The following PDHX variants were observed in gnomAD, a reference collection of about 807,000 sequenced individuals.
PDHX encodes pyruvate dehydrogenase complex component X.
PDHX carries 33 observed loss-of-function variants against 55.3 expected under a neutral mutation model. The observed-to-expected ratio is 0.60, with a 90% CI of 0.45 to 0.80. The LOEUF (loss-of-function observed/expected upper bound fraction) is 0.80. Ranked by LOEUF, PDHX falls within the 30% of genes least tolerant of loss-of-function variation. The probability of loss-of-function intolerance (pLI) is 0.00; values close to 1 mark genes in which losing one functional copy is unlikely to be tolerated. For synonymous variants in PDHX, 226 were observed against 219.4 expected (o/e 1.03, Z -0.27); for missense variants, 622 against 619.9 (o/e 1.00, Z -0.04).
intron 5 of PDHX, among the ~76,000 whole-genome samples, chr11:34,962,423 T>C (rs1191271061): frequency 6.6e-6 from 1 of 152,188 alleles, no homozygotes; most frequent in Admixed American, 6.5e-5. Flanking sequence ...TAGGTGATGA[T>C]AGTTTGGTCT....
intron 1 of PDHX, among the ~76,000 whole-genome samples, chr11:34,930,484 A>G (rs1854132324): frequency 6.6e-6 from 1 of 152,228 alleles, no homozygotes; most frequent in African/African-American, 2.4e-5. Context: ...CATTTGAAAT[A>G]TGTTAGCTAT....
chr11:34,931,257 G>T (rs1002161252), intron 1 of PDHX, 147 bp from the exon 2 acceptor site: 139 of 644,256 alleles, frequency 2.2e-4, no homozygotes, highest in Non-Finnish European at 3.6e-4. Context: ...ATTTACTGGA[G>T]ACTTAGTTTA....
intron 2 of PDHX, among the ~76,000 whole-genome samples, chr11:34,943,304 T>TA (rs1253471801): frequency 6.6e-6 from 1 of 152,292 alleles, no homozygotes; most frequent in Non-Finnish European, 1.5e-5. Context: ...TGAACAAAAT[T>TA]ATGTAGGTCA....
rs183783933 is a variant in PDHX, at chr11:34,957,666, G to A, written c.542+83G>A. ...TGGAATTGTAATCATTATCATATTCGCACATCGTTGTACATCACGTAGGAA... is the reference window on the plus strand; with the variant it reads ...TGGAATTGTAATCATTATCATATTCACACATCGTTGTACATCACGTAGGAA... On this transcript the variant is annotated intron_variant, in intron 4 of 10. Coordinates refer to ENST00000227868, the MANE Select transcript of PDHX (RefSeq NM_003477.3). The A allele has an allele frequency of 2.0e-4, 216 of 1,086,300 alleles. No homozygotes were observed. In the African/African-American group the frequency reaches 2.8e-3, roughly 14 times the overall value. The allele number at this position is 1,086,300 out of a possible 1,614,324, so 67.3% of individuals were successfully genotyped here.
chr11:34,928,480 T>C (rs201653676), intron 1 of PDHX, among the ~76,000 whole-genome samples: 39 of 151,316 alleles, frequency 2.6e-4, no homozygotes, highest in East Asian at 1.5e-3. Context: ...TTTTTTTTTT[T>C]CCCCAGAACA....
chr11:34,980,366 T>TTTTTTTTTTTTTTTTTAG (rs1855483460), intron 8 of PDHX, among the ~76,000 whole-genome samples: 1 of 143,036 alleles, frequency 7.0e-6, no homozygotes, highest in Admixed American at 7.0e-5. Flanking sequence ...TTTTTTTTTT[T>TTTTTTTTTTTTTTTTTAG]GAGCAGCAGC....
chr11:34,951,364 C>G (rs536186126), intron 3 of PDHX, among the ~76,000 whole-genome samples: 1 of 152,076 alleles, frequency 6.6e-6, no homozygotes, highest in African/African-American at 2.4e-5. Context: ...CGGCCTGTTT[C>G]CTGACTTTTT....
At chr11:34,916,952 G>C (rs986868262) in intron 1 of PDHX, 137 bp downstream of exon 1, 2 of 919,702 alleles carry the variant, frequency 2.2e-6, no homozygotes, top group Admixed American at 4.0e-5. Flanking sequence ...TCTCCGGTTG[G>C]GGTCCGCCGA....
At chr11:34,937,451 T>A (rs1450463943) in intron 2 of PDHX, among the ~76,000 whole-genome samples, 1 of 151,038 alleles carries the variant, frequency 6.6e-6, no homozygotes, top group African/African-American at 2.4e-5. Flanking sequence ...ACTTTTTTTT[T>A]TTTTTTTGGT....
chr11:34,979,069 G>A (rs1295585507), intron 8 of PDHX, among the ~76,000 whole-genome samples: 1 of 152,118 alleles, frequency 6.6e-6, no homozygotes, highest in East Asian at 1.9e-4. Context: ...GGGTGAAGTG[G>A]AGATTTGTGT....
intron 5 of PDHX, among the ~76,000 whole-genome samples, chr11:34,963,688 T>A (rs1855067994): frequency 6.6e-6 from 1 of 152,174 alleles, no homozygotes. Flanking sequence ...GCCCACTGTA[T>A]TTGTGAAGAA....
rs36026065 is a variant in PDHX at position 34,968,260 on chromosome 11, C to CAA, written c.816+1462_816+1463dup. ...TGGGTAATAGAGGAAGACCCTATCT[C>CAA]AAAAAAAAAAAAAAAAAGTTATTCA... On this transcript the variant is annotated intron_variant, in intron 6 of 10. Transcript: ENST00000227868. Among the ~76,000 whole-genome samples the CAA allele has an allele frequency of 2.8e-3, 372 of 130,998 alleles. 1 individual carries two copies. The highest frequency in any genetic ancestry group is 7.9e-3 in the South Asian group (32 of 4,058). The allele number at this position is 130,998 out of a possible 152,430, so 85.9% of individuals were successfully genotyped here.
At chr11:34,984,795 A>G (rs1270344451) in intron 9 of PDHX, 67 bp downstream of exon 9, 1 of 1,486,468 alleles carries the variant, frequency 6.7e-7, no homozygotes, top group Admixed American at 1.7e-5. Flanking sequence ...ACTTTCTGAT[A>G]AAGTTGTGAC....
At chr11:34,981,243 A>G (rs542919081) in intron 8 of PDHX, among the ~76,000 whole-genome samples, 1 of 152,088 alleles carries the variant, frequency 6.6e-6, no homozygotes, top group African/African-American at 2.4e-5. Context: ...GAGTGACAAC[A>G]TGCGGTGTTT....
At chr11:34,977,232 A>G (rs1442628389) in intron 7 of PDHX, among the ~76,000 whole-genome samples, 1 of 152,136 alleles carries the variant, frequency 6.6e-6, no homozygotes, top group East Asian at 1.9e-4. Flanking sequence ...GTTTTTTGCC[A>G]CATACCACTG....
At chr11:34,977,742 G>C (rs773094241) in intron 7 of PDHX, 1 of 457,422 alleles carries the variant, frequency 2.2e-6, no homozygotes, top group South Asian at 1.6e-5. Context: ...GGAAGAAAAT[G>C]AATCATCTTG....
At chr11:34,947,636 G>T in intron 3 of PDHX, 30 bp downstream of exon 3, 3 of 1,404,592 alleles carry the variant, frequency 2.1e-6, no homozygotes, top group Non-Finnish European at 2.0e-6. Flanking sequence ...TTCTTCAACA[G>T]GATGAAGATT....
chr11:34,969,502 C>T (rs1855209813), intron 6 of PDHX, among the ~76,000 whole-genome samples: 1 of 152,030 alleles, frequency 6.6e-6, no homozygotes, highest in East Asian at 1.9e-4. Flanking sequence ...CGCCACCACA[C>T]TCAGCTAATT....
intron 1 of PDHX, among the ~76,000 whole-genome samples, chr11:34,924,531 C>T (rs1038279080): frequency 4.6e-5 from 7 of 152,044 alleles, no homozygotes; most frequent in Non-Finnish European, 8.8e-5. Context: ...TACCTTATTT[C>T]TTTACAAAAA....
Sources: gnomAD v4.1 joint callset for allele counts (sites outside exome capture counted in the v4.1 genomes callset) on GRCh38, gnomAD v4.1.1 for gene constraint, MANE v1.5 for transcripts, NCBI Gene and HGNC (gene_info 2026-07-23, HGNC 2026-07-21) for gene names.